Variants in CAVIN1 observed in about 807,000 individuals in gnomAD.
CAVIN1 encodes caveolae-associated protein 1.
Under a neutral mutation model 24.0 loss-of-function variants are expected in CAVIN1, and 16 were observed. The observed-to-expected ratio is 0.67, with a 90% CI of 0.45 to 1.01. The LOEUF is 1.01. Ranked by LOEUF, CAVIN1 falls within the 50% of genes least tolerant of loss-of-function variation. The pLI, the probability that CAVIN1 is intolerant of heterozygous loss-of-function variation, is 0.00. For synonymous variants in CAVIN1, 256 were observed against 256.4 expected (o/e 1.00, Z 0.02); for missense variants, 510 against 551.7 (o/e 0.92, Z 0.76).
intron 1 of CAVIN1, among the ~76,000 whole-genome samples, chr17:42,405,693 T>TTTTTTTTTTTTTTTTTTTTTTTG (rs2085442148): frequency 1.6e-5 from 1 of 60,850 alleles, no homozygotes; most frequent in Non-Finnish European, 4.6e-5. Flanking sequence ...TTTTTTTTTT[T>TTTTTTTTTTTTTTTTTTTTTTTG]TTTTTTTTTT....
intron 1 of CAVIN1, among the ~76,000 whole-genome samples, chr17:42,411,192 C>CA (rs71157624): frequency 0.15 from 6,883 of 46,696 alleles, 706 homozygotes; most frequent in Non-Finnish European, 0.16. Context: ...GACTATGTCT[C>CA]AAAAAAAAAA....
At chr17:42,417,288 T>C (rs1392493986) in intron 1 of CAVIN1, among the ~76,000 whole-genome samples, 1 of 151,976 alleles carries the variant, frequency 6.6e-6, no homozygotes, top group Non-Finnish European at 1.5e-5. Flanking sequence ...ACCCTGTCTC[T>C]ATTAAAAATA....
chr17:42,413,665 T>C (rs1315427999), intron 1 of CAVIN1, among the ~76,000 whole-genome samples: 5 of 148,688 alleles, frequency 3.4e-5, no homozygotes, highest in Non-Finnish European at 7.4e-5. Flanking sequence ...ACAGCTTCAA[T>C]TGAGCCCCTC....
At chr17:42,416,018 T>A (rs1358714373) in intron 1 of CAVIN1, among the ~76,000 whole-genome samples, 1 of 151,912 alleles carries the variant, frequency 6.6e-6, no homozygotes, top group African/African-American at 2.4e-5. Context: ...AAGGCAGGAG[T>A]ATCACTTATG....
intron 1 of CAVIN1, among the ~76,000 whole-genome samples, chr17:42,416,040 G>A (rs545693782): frequency 1.3e-5 from 2 of 152,150 alleles, no homozygotes; most frequent in Admixed American, 6.6e-5. Context: ...CCAGGAATTC[G>A]AGACCAGCCT....
At chr17:42,407,285 G>A (rs1422937668) in intron 1 of CAVIN1, among the ~76,000 whole-genome samples, 3 of 151,998 alleles carry the variant, frequency 2.0e-5, no homozygotes, top group African/African-American at 4.8e-5. Context: ...AGAGATAGTC[G>A]CTTTTCTAAA....
At chr17:42,412,229 G>A in intron 1 of CAVIN1, 1 of 985,116 alleles carries the variant, frequency 1.0e-6, no homozygotes, top group Non-Finnish European at 1.2e-6. Context: ...AGGTCAGAGG[G>A]TGCATTCGGC....
In CAVIN1 at chr17:42,419,053, C is replaced by T. The variant is rs189239660; in HGVS notation, c.471+3574G>A. 6.7e-4 allele frequency among the ~76,000 whole-genome samples: 102 copies of T among 151,964 alleles called. No individual in the cohort carries two copies. In the Middle Eastern group the frequency reaches 0.01, roughly 15 times the overall value. On this transcript the variant is annotated intron_variant, in intron 1 of 1. Transcript: ENST00000357037. Reference sequence around the variant, plus strand: ...ACAAATATGAAAAAAAACAATTTGCCGGGCACGGTGGTGGGCACCTGTAGT... The same window carrying T: ...ACAAATATGAAAAAAAACAATTTGCTGGGCACGGTGGTGGGCACCTGTAGT...
chr17:42,422,597 C>T (rs1393528216), intron 1 of CAVIN1, 30 bp downstream of exon 1: 1 of 1,526,838 alleles, frequency 6.5e-7, no homozygotes, highest in Non-Finnish European at 8.9e-7. Flanking sequence ...GGCGCGGGAG[C>T]TCTGGGCGCC....
intron 1 of CAVIN1, chr17:42,411,462 G>C (rs780166260): frequency 5.1e-6 from 5 of 985,352 alleles, no homozygotes; most frequent in Non-Finnish European, 4.8e-6. Context: ...TCCTGAGCCA[G>C]AGCCAGCTAG....
intron 1 of CAVIN1, among the ~76,000 whole-genome samples, 182 bp downstream of exon 1, chr17:42,422,445 C>G (rs2085555648): frequency 6.6e-6 from 1 of 152,070 alleles, no homozygotes; most frequent in African/African-American, 2.4e-5. Flanking sequence ...TCCCTCCACC[C>G]CATCCTACCC....
intron 1 of CAVIN1, chr17:42,411,796 G>T: frequency 1.0e-6 from 1 of 985,396 alleles, no homozygotes; most frequent in Non-Finnish European, 1.2e-6. Context: ...AAGTGTGGGG[G>T]AGCATTTACT....
intron 1 of CAVIN1, among the ~76,000 whole-genome samples, chr17:42,408,887 T>G (rs1168750313): frequency 6.9e-6 from 1 of 145,774 alleles, no homozygotes; most frequent in Non-Finnish European, 1.5e-5. Flanking sequence ...GCCTCCTGGG[T>G]TCAAGCAGTT....
chr17:42,417,608 A>G (rs2145484852), intron 1 of CAVIN1, among the ~76,000 whole-genome samples: 1 of 152,326 alleles, frequency 6.6e-6, no homozygotes, highest in African/African-American at 2.4e-5. Flanking sequence ...CAGTTGTATA[A>G]AAGTCTAGCC....
chr17:42,407,885 C>T (rs1369025202), intron 1 of CAVIN1, among the ~76,000 whole-genome samples: 2 of 152,120 alleles, frequency 1.3e-5, no homozygotes, highest in Non-Finnish European at 1.5e-5. Flanking sequence ...GATTTCCAGT[C>T]ATTCACTTTG....
At chr17:42,416,849 G>A (rs2085514895) in intron 1 of CAVIN1, among the ~76,000 whole-genome samples, 1 of 152,112 alleles carries the variant, frequency 6.6e-6, no homozygotes, top group Non-Finnish European at 1.5e-5. Flanking sequence ...TCTAGAGCAA[G>A]GTAGCCCTAA....
intron 1 of CAVIN1, chr17:42,411,946 G>A: frequency 4.1e-6 from 4 of 985,408 alleles, no homozygotes; most frequent in Non-Finnish European, 4.8e-6. Flanking sequence ...GGCAGTGACT[G>A]GGGATGGTGG....
intron 1 of CAVIN1, chr17:42,412,088 G>A (rs1227728774): frequency 6.1e-6 from 6 of 985,232 alleles, no homozygotes; most frequent in Middle Eastern, 5.2e-4. Flanking sequence ...GTGGGCCGGG[G>A]CCCAGGCTCT....
chr17:42,417,671 T>C (rs1337905916), intron 1 of CAVIN1, among the ~76,000 whole-genome samples: 2 of 152,142 alleles, frequency 1.3e-5, no homozygotes, highest in Non-Finnish European at 2.9e-5. Flanking sequence ...CATGACTGTG[T>C]TACTGGTTAT....
Sources: allele counts gnomAD v4.1 joint callset (sites outside exome capture counted in the v4.1 genomes callset), GRCh38; gene constraint gnomAD v4.1.1; transcripts MANE v1.5; gene names NCBI Gene and HGNC (gene_info 2026-07-23, HGNC 2026-07-21).